SKIC3: variants seen among roughly 807,000 people sequenced by gnomAD.
SKIC3 encodes the protein superkiller complex protein 3.
the SKIC3 span, among the ~76,000 whole-genome samples, chr5:95,473,512 G>C: frequency 3.9e-5 from 6 of 152,190 alleles, no homozygotes; most frequent in African/African-American, 1.4e-4. Flanking sequence ...CTAGGCTCAA[G>C]TGATCCACCC....
the SKIC3 span, chr5:95,502,747 A>G: frequency 4.6e-6 from 5 of 1,080,004 alleles, no homozygotes; most frequent in Non-Finnish European, 6.9e-6. Flanking sequence ...CTATCAATTC[A>G]GAACCAGGTG....
the SKIC3 span, among the ~76,000 whole-genome samples, chr5:95,534,519 C>A: frequency 6.6e-6 from 1 of 152,146 alleles, no homozygotes; most frequent in African/African-American, 2.4e-5. Flanking sequence ...CTAATTCAAT[C>A]ACTTTCATTT....
the SKIC3 span, chr5:95,491,113 A>G: frequency 6.5e-7 from 1 of 1,547,748 alleles, no homozygotes; most frequent in African/African-American, 1.4e-5. Flanking sequence ...AATGAGATTA[A>G]GAGTTTACAA....
At chr5:95,550,897 G>C in the SKIC3 span, 1 of 152,054 alleles carries the variant, frequency 6.6e-6, no homozygotes, top group African/African-American at 2.4e-5. Flanking sequence ...TTCTACAAGA[G>C]ATCAGAAGGA....
At chr5:95,478,457 A>G in the SKIC3 span, 1 of 1,613,754 alleles carries the variant, frequency 6.2e-7, no homozygotes. Context: ...GAAACAAAAA[A>G]GGAGAAGGAG....
chr5:95,550,580 C>A, the SKIC3 span: 7 of 152,120 alleles, frequency 4.6e-5, no homozygotes, highest in East Asian at 1.4e-3. Context: ...TAGACACTTA[C>A]CTTTTACCAA....
chr5:95,498,783 G>C, the SKIC3 span, among the ~76,000 whole-genome samples: 1 of 152,040 alleles, frequency 6.6e-6, no homozygotes, highest in South Asian at 2.1e-4. Flanking sequence ...CCGCCATCAG[G>C]CCCGGCTAAA....
the SKIC3 span, among the ~76,000 whole-genome samples, chr5:95,537,824 A>G: frequency 6.6e-6 from 1 of 152,202 alleles, no homozygotes; most frequent in African/African-American, 2.4e-5. Context: ...ATGAATACTC[A>G]TGACTTAATA....
At chr5:95,509,156 CA>C in the SKIC3 span, among the ~76,000 whole-genome samples, 1 of 152,188 alleles carries the variant, frequency 6.6e-6, no homozygotes, top group Middle Eastern at 3.4e-3. Context: ...GGAGTCAAAA[CA>C]ATTATTTAGT....
At chr5:95,484,573 G>T in the SKIC3 span, 3 of 1,060,718 alleles carry the variant, frequency 2.8e-6, no homozygotes, top group African/African-American at 1.6e-5. Context: ...TCTCAAACTC[G>T]TGGCCTCAAG....
chr5:95,546,435 C>G, the SKIC3 span, among the ~76,000 whole-genome samples: 1 of 151,854 alleles, frequency 6.6e-6, no homozygotes, highest in Non-Finnish European at 1.5e-5. Flanking sequence ...TTCTCCCAGT[C>G]TCATCTTATA....
chr5:95,516,639 T>C, the SKIC3 span: 78 of 1,613,122 alleles, frequency 4.8e-5, no homozygotes, highest in Non-Finnish European at 6.6e-5. Flanking sequence ...TACACAATCT[T>C]CTAAAAATAT....
the SKIC3 span, chr5:95,523,519 A>G: frequency 4.0e-6 from 5 of 1,239,160 alleles, no homozygotes; most frequent in Non-Finnish European, 5.5e-6. Context: ...AACTTCACTT[A>G]CAGAGGCAAA....
the SKIC3 span, among the ~76,000 whole-genome samples, chr5:95,491,712 G>A: frequency 6.6e-6 from 1 of 151,970 alleles, no homozygotes. Flanking sequence ...TAAGAAAGCT[G>A]TGAAAAAAAG....
chr5:95,524,844 A>G, the SKIC3 span, among the ~76,000 whole-genome samples: 2 of 152,196 alleles, frequency 1.3e-5, no homozygotes, highest in Non-Finnish European at 2.9e-5. Flanking sequence ...TATACTGAAC[A>G]TTACATCTGC....
chr5:95,464,791 T>C, the SKIC3 span: 30 of 802,864 alleles, frequency 3.7e-5, no homozygotes, highest in Admixed American at 5.9e-4. Flanking sequence ...AAAGGCAACA[T>C]CAAACTATAC....
the SKIC3 span, chr5:95,541,773 C>A: frequency 3.6e-6 from 5 of 1,401,264 alleles, no homozygotes; most frequent in South Asian, 6.0e-5. Flanking sequence ...TATTAAAATT[C>A]AAGCTTTGAA....
chr5:95,528,909 T>C, the SKIC3 span: 1 of 1,025,892 alleles, frequency 9.7e-7, no homozygotes, highest in African/African-American at 1.6e-5. Context: ...TATAGCATTT[T>C]GGTTTTTAAA....
the SKIC3 span, chr5:95,525,779 T>A: frequency 9.4e-7 from 1 of 1,062,120 alleles, no homozygotes; most frequent in South Asian, 1.4e-5. Flanking sequence ...CCTAATAGAA[T>A]AAAGAAATAG....
Sources: gnomAD v4.1 joint callset for allele counts (sites outside exome capture counted in the v4.1 genomes callset) on GRCh38, gnomAD v4.1.1 for gene constraint, MANE v1.5 for transcripts, NCBI Gene and HGNC (gene_info 2026-07-23, HGNC 2026-07-21) for gene names.